The following WFS1 variants were observed in gnomAD, a reference collection of about 807,000 sequenced individuals.
WFS1 encodes wolframin ER transmembrane glycoprotein, also known as wolframin.
A neutral mutation model predicts 68.5 loss-of-function variants in WFS1; 90 were observed. The observed-to-expected ratio is 1.31, with a 90% CI of 1.11 to 1.56. The LOEUF is 1.56. WFS1 is among the 40% of genes most tolerant of loss of function. The probability of loss-of-function intolerance (pLI) is 0.00; values close to 1 mark genes in which losing one functional copy is unlikely to be tolerated. For synonymous variants in WFS1, 860 were observed against 540.7 expected (o/e 1.59, Z -8.19); for missense variants, 1,767 against 1,232.6 (o/e 1.43, Z -6.49).
At chr4:6,299,847 T>TTGCG (rs1730800672) in intron 7 of WFS1, among the ~76,000 whole-genome samples, 1 of 100,046 alleles carries the variant, frequency 1.0e-5, no homozygotes, top group African/African-American at 4.0e-5. Context: ...TAGGGGTGGG[T>TTGCG]TGTGTGAATG....
rs1163821878 is a variant in WFS1, at chr4:6,291,935, G to T, written c.650G>T (p.Gly217Val). 1.9e-6 allele frequency: 3 copies of T among 1,611,032 alleles called. No individual in the cohort carries two copies. The highest frequency in any genetic ancestry group is 1.7e-4 in the Middle Eastern group (1 of 6,042). The change falls in exon 6 of 8, where the codon GGC becomes GTC. Residue 217 changes from glycine to valine, a missense_variant. Gly to Val is a moderately radical substitution (Grantham distance 109, BLOSUM62 -3). Coordinates refer to ENST00000226760, the MANE Select transcript of WFS1 (RefSeq NM_006005.3). Reference protein sequence around the residue: ...VNEHDGGAQPGPVPKSLQKQR... With the variant: ...VNEHDGGAQPVPVPKSLQKQR... ...CCTGCAGATGGAGGGGCGCAGCCAG[G>T]CCCCGTGCCCAAGTCCCTGCAGAAG...
At position 6,300,646 on chromosome 4, in the gene WFS1, C is replaced by G. The variant is rs375370989; in HGVS notation, c.862-11C>G. ...TCCCAGCCTCGTTCCCACGTACCATCTTTCCCCCAGGTGGTCAAGTACCCC... is the reference window on the plus strand; with the variant it reads ...TCCCAGCCTCGTTCCCACGTACCATGTTTCCCCCAGGTGGTCAAGTACCCC... On this transcript the variant is annotated splice_polypyrimidine_tract_variant and intron_variant, in intron 7 of 7. Transcript: ENST00000226760. 6.2e-7 allele frequency: 1 copy of G among 1,613,752 alleles called. No individual in the cohort carries two copies. The highest frequency in any genetic ancestry group is 8.5e-7 in the Non-Finnish European group (1 of 1,179,900).
rs774265764 is a variant in WFS1 at position 6,301,468 on chromosome 4, G to A, written c.1673G>A (p.Arg558His). 124 of 1,612,718 alleles carry A rather than the reference G, an allele frequency of 7.7e-5. No homozygotes were observed. The highest frequency in any genetic ancestry group is 9.2e-5 in the Non-Finnish European group (108 of 1,180,042). ...GAGTCCACCGGCCTGGGGCTGCTCC[G>A]CGCCTCCATCGGCTACTTCCTCTTC... is the stretch of plus-strand genomic sequence containing the variant. ...LLESTGLGLL[R>H]ASIGYFLFLF... Residue 558 changes from arginine to histidine, a missense_variant, in exon 8 of 8, where the codon CGC becomes CAC. Transcript: ENST00000226760.
chr4:6,292,229 C>A (rs1457311656), intron 6 of WFS1, among the ~76,000 whole-genome samples: 1 of 152,192 alleles, frequency 6.6e-6, no homozygotes, highest in African/African-American at 2.4e-5. Context: ...CCCTGCCCAC[C>A]TGGAGCGCAC....
chr4:6,302,426 C>T lies in WFS1; in HGVS notation c.2631C>T (p.Phe877=), dbSNP rs370347920. 76 of 1,613,074 alleles carry T rather than the reference C, an allele frequency of 4.7e-5. No individual in the cohort carries two copies. Among genetic ancestry groups the T allele is most frequent in the Admixed American group, 1.2e-4 (7 of 60,010 alleles). Reference sequence around the variant, plus strand: ...GCACCGTGCATGGCGCCGTGAAGTTCGCCTTCGACTTCTTTTTCTTCCCAT... The same window carrying T: ...GCACCGTGCATGGCGCCGTGAAGTTTGCCTTCGACTTCTTTTTCTTCCCAT... ...WRSTVHGAVK[F]AFDFFFFPFL... The change falls in exon 8 of 8, where the codon TTC becomes TTT. Residue 877 remains phenylalanine (F), a synonymous_variant. Transcript: ENST00000226760.
intron 5 of WFS1, among the ~76,000 whole-genome samples, 193 bp downstream of exon 5, chr4:6,291,560 C>G (rs988085568): frequency 1.3e-5 from 2 of 152,150 alleles, no homozygotes; most frequent in Non-Finnish European, 2.9e-5. Flanking sequence ...GAGACCGTGC[C>G]CTAGTGGTGA....
chr4:6,298,760 G>A (rs942008357), intron 7 of WFS1, among the ~76,000 whole-genome samples: 13 of 152,246 alleles, frequency 8.5e-5, no homozygotes, highest in African/African-American at 3.1e-4. Flanking sequence ...CTCCAGAGCT[G>A]ATAGCCAGGC....
At chr4:6,293,947 T>G (rs910227239) in intron 6 of WFS1, among the ~76,000 whole-genome samples, 1 of 152,208 alleles carries the variant, frequency 6.6e-6, no homozygotes, top group Non-Finnish European at 1.5e-5. Context: ...CAGTCTACAG[T>G]GAGCTACTGA....
chr4:6,283,017 C>T lies in WFS1; in HGVS notation c.233-4076C>T, dbSNP rs1301824321. ...GACCCACGGACATAGATGGCATCCA[C>T]GAAGGCTGGCGGAGCCTGTGATAGA... On this transcript the variant is annotated intron_variant, in intron 2 of 7. Coordinates refer to ENST00000226760, the MANE Select transcript of WFS1 (RefSeq NM_006005.3). This position sits in a 1 kb window ranked among gnomAD's most constrained non-coding sequence, Gnocchi z 5.0. Among the ~76,000 whole-genome samples the T allele has an allele frequency of 2.6e-5, 4 of 152,316 alleles. No individual in the cohort carries two copies. In the East Asian group the frequency reaches 5.8e-4, roughly 22 times the overall value.
At chr4:6,285,137 C>T (rs943386585) in intron 2 of WFS1, among the ~76,000 whole-genome samples, 4 of 142,976 alleles carry the variant, frequency 2.8e-5, no homozygotes, top group Admixed American at 7.0e-5. Context: ...AAGCTGAGCC[C>T]GAAACTCTGT....
In WFS1 at chr4:6,301,847, G is replaced by A. The variant is rs71539668; in HGVS notation, c.2052G>A (p.Ala684=). 2,381 of 1,612,972 alleles carry A rather than the reference G, an allele frequency of 1.5e-3. 4 individuals are homozygous for A. The highest frequency in any genetic ancestry group is 2.5e-3 in the Admixed American group (151 of 60,032). Residue 684 remains alanine (A), a synonymous_variant, in exon 8 of 8, where the codon GCG becomes GCA. Coordinates refer to ENST00000226760, the MANE Select transcript of WFS1 (RefSeq NM_006005.3). ...GCGCCTGGAAGGAGACCAACATGGC[G>A]CGCACCCAGATCCTCTGCAGCCACC... is the stretch of plus-strand genomic sequence containing the variant. The part of the protein sequence containing the change: ...GPRAWKETNM[A]RTQILCSHLE...
In WFS1 at chr4:6,277,518, C is replaced by G. The variant is rs1419247934; in HGVS notation, c.63C>G (p.Pro21=). The G allele has an allele frequency of 6.3e-7, 1 of 1,583,906 alleles. No homozygotes were observed. Among genetic ancestry groups the G allele is most frequent in the Non-Finnish European group, 8.6e-7 (1 of 1,165,828 alleles). ...CACAGCCCCCGCCAGCACCGCAGCC[C>G]CAGGCGCGTTCCCGACTCAATGCCA... The part of the protein sequence containing the change: ...SCPQPPPAPQ[P]QARSRLNATA... Residue 21 remains proline (P), a synonymous_variant, in exon 2 of 8, where the codon CCC becomes CCG. Coordinates refer to ENST00000226760, the MANE Select transcript of WFS1 (RefSeq NM_006005.3).
At chr4:6,299,515 GTGTGTGAATGTGTATAGGGGTGGGT>G (rs1293911863) in intron 7 of WFS1, among the ~76,000 whole-genome samples, 35 of 147,262 alleles carry the variant, frequency 2.4e-4, no homozygotes, top group Non-Finnish European at 2.1e-4. Flanking sequence ...TGGGTTGCGT[GTGTGTGAATGTGTATAGGGGTGGGT>G]TGTGTGAATG....
chr4:6,302,717 C>CTGAG lies in WFS1; in HGVS notation c.*253_*256dup. On this transcript the variant is annotated 3_prime_UTR_variant, in exon 8 of 8. Coordinates refer to ENST00000226760, the MANE Select transcript of WFS1 (RefSeq NM_006005.3). ...CATCTCCACCCTGAGCCTGACCTTT[C>CTGAG]TGAGTGACATGGGTGTGCCAGGCTA... 1.6e-6 allele frequency: 1 copy of CTGAG among 610,168 alleles called. No individual in the cohort carries two copies. The highest frequency in any genetic ancestry group is 2.8e-6 in the Non-Finnish European group (1 of 352,580). 37.8% of individuals were successfully genotyped at this position (610,168 alleles called of 1,614,324 possible). A position where few individuals can be genotyped will look rare whatever the true frequency, so the allele number is the denominator to read the frequency against.
intron 2 of WFS1, among the ~76,000 whole-genome samples, chr4:6,285,353 C>T (rs1310813839): frequency 6.8e-6 from 1 of 147,720 alleles, no homozygotes; most frequent in Non-Finnish European, 1.5e-5. Flanking sequence ...GGGTGGTGTC[C>T]AGGGAAAGCA....
intron 5 of WFS1, among the ~76,000 whole-genome samples, chr4:6,291,710 G>A (rs1029366583): frequency 5.3e-5 from 8 of 152,192 alleles, no homozygotes; most frequent in African/African-American, 1.2e-4. Context: ...GTGGGAGCAC[G>A]CTACGTGGTG....
In WFS1 at chr4:6,300,999, C is replaced by T. The variant is rs766786172; in HGVS notation, c.1204C>T (p.Leu402=). 16 of 1,613,916 alleles carry T rather than the reference C, an allele frequency of 9.9e-6. No homozygotes were observed. Among genetic ancestry groups the T allele is most frequent in the Non-Finnish European group, 1.4e-5 (16 of 1,180,030 alleles). Residue 402 remains leucine (L), a synonymous_variant, in exon 8 of 8, where the codon CTG becomes TTG. Transcript: ENST00000226760. ...CGAGGTCAACTTCGGCTGGAACCAC[C>T]TGGAGCCCTATGCCCATTTCCTGCT... ...QAEVNFGWNH[L]EPYAHFLLSV...
chr4:6,295,461 C>T (rs937560227), intron 7 of WFS1, among the ~76,000 whole-genome samples: 1 of 152,162 alleles, frequency 6.6e-6, no homozygotes, highest in East Asian at 1.9e-4. Flanking sequence ...GCCCCTGGGT[C>T]TTTCTGTGCA....
At chr4:6,299,397 G>GGGA (rs1730759828) in intron 7 of WFS1, among the ~76,000 whole-genome samples, 3 of 151,646 alleles carry the variant, frequency 2.0e-5, no homozygotes, top group Admixed American at 1.3e-4. Context: ...CTTGACTATG[G>GGGA]GGAGGTAGGG....
Sources: allele counts gnomAD v4.1 joint callset (sites outside exome capture counted in the v4.1 genomes callset), GRCh38; gene constraint gnomAD v4.1.1; non-coding constraint Gnocchi (gnomAD v3.1); transcripts MANE v1.5; gene names NCBI Gene and HGNC (gene_info 2026-07-23, HGNC 2026-07-21).